ZNF582: variants seen among roughly 807,000 people sequenced by gnomAD.
The protein encoded by ZNF582 is zinc finger protein 582.
ZNF582 carries 14 observed loss-of-function variants against 12.3 expected under a neutral mutation model. The observed-to-expected ratio is 1.14, with a 90% CI of 0.75 to 1.78. The LOEUF (loss-of-function observed/expected upper bound fraction) is 1.78. ZNF582 is among the 40% of genes most tolerant of loss of function. ZNF582 has a pLI of 0.00. For synonymous variants in ZNF582, 210 were observed against 207.2 expected (o/e 1.01, Z -0.11); for missense variants, 567 against 616.5 (o/e 0.92, Z 0.85).
intron 4 of ZNF582, among the ~76,000 whole-genome samples, chr19:56,386,884 A>G (rs1357893899): frequency 6.6e-6 from 1 of 152,228 alleles, no homozygotes; most frequent in African/African-American, 2.4e-5. Context: ...ATTCTGTCCT[A>G]ATTTGCTGAA....
chr19:56,387,256 T>C (rs915156739), intron 4 of ZNF582, among the ~76,000 whole-genome samples: 1 of 152,226 alleles, frequency 6.6e-6, no homozygotes, highest in East Asian at 1.9e-4. Flanking sequence ...TGGTCATTTA[T>C]TCAACAGAAC....
At position 56,391,606 on chromosome 19, in the gene ZNF582, G is replaced by A. The variant is rs541887964; in HGVS notation, c.9+138C>T. ...TGTGGGCATTTGTCAGAGGGGAGAG[G>A]ACAATGGGAGAGGAGACTCCTGCCT... On this transcript the variant is annotated intron_variant, in intron 2 of 4. Transcript: ENST00000586929. 6 of 732,494 alleles carry A rather than the reference G, an allele frequency of 8.2e-6. No homozygotes were observed. The South Asian group carries it at 8.3e-5, about 10-fold the overall frequency. The allele number at this position is 732,494 out of a possible 1,614,324, so 45.4% of individuals were successfully genotyped here. A position where few individuals can be genotyped will look rare whatever the true frequency, so the allele number is the denominator to read the frequency against.
intron 4 of ZNF582, chr19:56,386,719 G>C (rs2041969000): frequency 6.6e-6 from 1 of 152,266 alleles, no homozygotes; most frequent in Non-Finnish European, 1.5e-5. Flanking sequence ...GCTAATTTTT[G>C]TGCTTTTTTG....
intron 3 of ZNF582, 84 bp downstream of exon 3, chr19:56,390,290 CA>C (rs2042004311): frequency 6.3e-7 from 1 of 1,593,772 alleles, no homozygotes; most frequent in South Asian, 1.1e-5. Context: ...ACCAACCAAT[CA>C]TAAGACTGAA....
intron 1 of ZNF582, 114 bp downstream of exon 1, chr19:56,393,106 T>C (rs2042030439): frequency 1.1e-6 from 1 of 930,904 alleles, no homozygotes; most frequent in Non-Finnish European, 1.5e-6. Context: ...TGTAACTCTC[T>C]GAGAACCTCA....
intron 4 of ZNF582, chr19:56,387,819 G>A (rs930366666): frequency 2.0e-5 from 3 of 152,184 alleles, no homozygotes; most frequent in Admixed American, 6.5e-5. Flanking sequence ...TTGTGCCCAC[G>A]CAAATCTCTT....
exon 1 of ZNF582, chr19:56,393,440 A>G (rs770127920): frequency 1.9e-6 from 1 of 534,750 alleles, no homozygotes; most frequent in Non-Finnish European, 3.6e-6. Context: ...GGAACCTCTC[A>G]CCTGCCGCCT....
intron 4 of ZNF582, among the ~76,000 whole-genome samples, chr19:56,387,022 A>T (rs1388160555): frequency 6.6e-6 from 1 of 152,222 alleles, no homozygotes; most frequent in Non-Finnish European, 1.5e-5. Context: ...GTTTATGTTC[A>T]TGATAATTCT....
chr19:56,383,767 G>T, exon 5 of ZNF582: 2 of 1,382,536 alleles, frequency 1.4e-6, no homozygotes, highest in South Asian at 1.7e-5. Flanking sequence ...TCAGACTTAG[G>T]ATAAAGGCTT....
intron 2 of ZNF582, 98 bp downstream of exon 2, chr19:56,391,646 C>T: frequency 9.1e-7 from 1 of 1,102,322 alleles, no homozygotes; most frequent in East Asian, 2.4e-5. Context: ...CTTTTATTCC[C>T]TAAAATGGGA....
intron 4 of ZNF582, among the ~76,000 whole-genome samples, chr19:56,387,896 T>C (rs2041981324): frequency 6.6e-6 from 1 of 152,272 alleles, no homozygotes; most frequent in Non-Finnish European, 1.5e-5. Context: ...AACATAAAAT[T>C]GTTTTATTCT....
chr19:56,385,091 G>A (rs2041954284), exon 5 of ZNF582: 8 of 1,613,858 alleles, frequency 5.0e-6, no homozygotes, highest in Non-Finnish European at 6.8e-6. Flanking sequence ...ACCATAACTT[G>A]TAAGGCTTTC....
chr19:56,391,797 T>C (rs2042015966), exon 2 of ZNF582: 4 of 1,614,172 alleles, frequency 2.5e-6, no homozygotes, highest in Non-Finnish European at 3.4e-6. Context: ...TTCTGGTTCC[T>C]CTCTTGGGGA....
rs996811230 is a variant in ZNF582 at position 56,390,268 on chromosome 19, C to T, written c.136+107G>A. 11 of 1,548,768 alleles carry T rather than the reference C, an allele frequency of 7.1e-6. No individual in the cohort carries two copies. In the African/African-American group the frequency reaches 1.4e-4, roughly 19 times the overall value. Reference sequence around the variant, plus strand: ...TCAGCCGACAGCGCCGCCCTTTAACCCCTCAAAAATGACCAACCAATCATA... The same window carrying T: ...TCAGCCGACAGCGCCGCCCTTTAACTCCTCAAAAATGACCAACCAATCATA... On this transcript the variant is annotated intron_variant, in intron 3 of 4. Coordinates refer to ENST00000586929, the Ensembl canonical transcript of ZNF582.
exon 5 of ZNF582, chr19:56,384,915 C>G (rs1263745375): frequency 1.2e-6 from 2 of 1,613,830 alleles, no homozygotes; most frequent in African/African-American, 2.7e-5. Flanking sequence ...AAAGGTTTTT[C>G]TCTAGTATGA....
At chr19:56,385,839 T>G (rs1485211111) in intron 4 of ZNF582, among the ~76,000 whole-genome samples, 29 of 152,164 alleles carry the variant, frequency 1.9e-4, no homozygotes, top group Admixed American at 1.9e-3. Context: ...AAGGGAACTT[T>G]TTGGGTTGAT....
intron 4 of ZNF582, among the ~76,000 whole-genome samples, chr19:56,387,928 T>G (rs531029556): frequency 2.0e-5 from 3 of 152,276 alleles, no homozygotes; most frequent in Non-Finnish European, 4.4e-5. Flanking sequence ...AACATTTGAA[T>G]GTGTACCCTT....
exon 3 of ZNF582, chr19:56,390,464 G>T: frequency 1.9e-6 from 3 of 1,614,082 alleles, no homozygotes; most frequent in Non-Finnish European, 2.5e-6. Context: ...TTCTTCTTGG[G>T]AGAAGACTAT....
chr19:56,393,344 C>A, exon 1 of ZNF582: 1 of 1,042,664 alleles, frequency 9.6e-7, no homozygotes. Flanking sequence ...GACGATGAGG[C>A]GAGACGTCTG....
Sources: gnomAD v4.1 joint callset for allele counts (sites outside exome capture counted in the v4.1 genomes callset) on GRCh38, gnomAD v4.1.1 for gene constraint, MANE v1.5 for transcripts, NCBI Gene and HGNC (gene_info 2026-07-23, HGNC 2026-07-21) for gene names.